The following TSPAN5 variants were observed in gnomAD, a reference collection of about 807,000 sequenced individuals.
TSPAN5 encodes tetraspanin 5, also known as tetraspanin-5.
In TSPAN5, 10 loss-of-function variants were observed where a neutral mutation model predicts 37.1. That is an observed-to-expected ratio of 0.27 (90% CI 0.17 to 0.46). The LOEUF (loss-of-function observed/expected upper bound fraction) is 0.46. Among genes scored for constraint, TSPAN5 ranks in the 20% least tolerant of loss-of-function variants. The pLI is 1.00. For missense variants in TSPAN5, 195 were observed against 326.6 expected (o/e 0.60, Z 3.11); for synonymous variants, 110 against 118.9 (o/e 0.93, Z 0.48).
In TSPAN5 at chr4:98,531,122, C is replaced by A. The variant is rs191461018; in HGVS notation, c.82-23394G>T. 2.6e-5 allele frequency among the ~76,000 whole-genome samples: 4 copies of A among 152,176 alleles called. No individual in the cohort carries two copies. In the East Asian group the frequency reaches 7.7e-4, roughly 29 times the overall value. ...TTCCGGAGTACATGTGCAGAACTTG[C>A]AGTTTCATTACATAGGTATACACAT... On this transcript the variant is annotated intron_variant, in intron 1 of 7. Coordinates refer to ENST00000305798, the MANE Select transcript of TSPAN5 (RefSeq NM_005723.4).
At chr4:98,654,386 C>A (rs1180495682) in intron 1 of TSPAN5, among the ~76,000 whole-genome samples, 1 of 152,118 alleles carries the variant, frequency 6.6e-6, no homozygotes, top group Non-Finnish European at 1.5e-5. Context: ...TCCAAAAGGG[C>A]AAAACATCTA....
chr4:98,549,174 A>C (rs1487783066), intron 1 of TSPAN5, among the ~76,000 whole-genome samples: 1 of 152,180 alleles, frequency 6.6e-6, no homozygotes, highest in African/African-American at 2.4e-5. Flanking sequence ...ACAGTGTATA[A>C]GCGTTCCCTT....
intron 1 of TSPAN5, among the ~76,000 whole-genome samples, chr4:98,592,593 G>A (rs865838737): frequency 4.5e-5 from 3 of 66,790 alleles, no homozygotes; most frequent in African/African-American, 6.9e-5. Context: ...CCCCTCCCCC[G>A]ACCCCACCAC....
At chr4:98,578,779 G>A (rs1469258600) in intron 1 of TSPAN5, among the ~76,000 whole-genome samples, 1 of 151,958 alleles carries the variant, frequency 6.6e-6, no homozygotes, top group Non-Finnish European at 1.5e-5. Context: ...TATTCTCTTA[G>A]GTAGACAGTG....
chr4:98,576,180 A>T (rs976615795), intron 1 of TSPAN5, among the ~76,000 whole-genome samples: 6 of 152,166 alleles, frequency 3.9e-5, no homozygotes. Flanking sequence ...AAATTAAAAA[A>T]AAAATCAAAC....
At chr4:98,551,795 T>C (rs907397544) in intron 1 of TSPAN5, among the ~76,000 whole-genome samples, 1 of 151,988 alleles carries the variant, frequency 6.6e-6, no homozygotes. Context: ...CCACTGCACC[T>C]GGCCTCCTTT....
At chr4:98,544,039 G>T (rs1240983462) in intron 1 of TSPAN5, among the ~76,000 whole-genome samples, 1 of 152,016 alleles carries the variant, frequency 6.6e-6, no homozygotes, top group African/African-American at 2.4e-5. Context: ...AATTAGCCAA[G>T]TGTGGTAGTG....
chr4:98,632,876 T>C (rs979640516), intron 1 of TSPAN5, among the ~76,000 whole-genome samples: 1 of 152,024 alleles, frequency 6.6e-6, no homozygotes, highest in African/African-American at 2.4e-5. Flanking sequence ...CCGGGAGGAT[T>C]TGATGCTGCA....
At chr4:98,507,761 G>T in intron 1 of TSPAN5, 33 bp from the exon 2 acceptor site, 1 of 1,493,192 alleles carries the variant, frequency 6.7e-7, no homozygotes. Flanking sequence ...TAAATATAAG[G>T]GAAAATGCCG....
At position 98,594,245 on chromosome 4, in the gene TSPAN5, G is replaced by C. The variant is rs1235536054; in HGVS notation, c.81+63901C>G. ...CTATGATTTGGCTCTCTGTTTGTCT[G>C]TTGTTGGTGTATAAGAATGCTTGTG... On this transcript the variant is annotated intron_variant, in intron 1 of 7. Transcript: ENST00000305798. Among the ~76,000 whole-genome samples, 5 of 131,354 alleles carry C rather than the reference G, an allele frequency of 3.8e-5. 1 individual carries two copies. The highest frequency in any genetic ancestry group is 1.7e-4 in the African/African-American group (5 of 28,888). 86.2% of individuals were successfully genotyped at this position (131,354 alleles called of 152,430 possible). A position where few individuals can be genotyped will look rare whatever the true frequency, so the allele number is the denominator to read the frequency against.
chr4:98,653,144 C>A (rs1163561473), intron 1 of TSPAN5, among the ~76,000 whole-genome samples: 1 of 152,198 alleles, frequency 6.6e-6, no homozygotes, highest in Non-Finnish European at 1.5e-5. Flanking sequence ...TAACAGATGT[C>A]TAGCAAATTA....
chr4:98,478,079 T>C (rs987210509), intron 5 of TSPAN5, among the ~76,000 whole-genome samples: 1 of 152,232 alleles, frequency 6.6e-6, no homozygotes, highest in African/African-American at 2.4e-5. Flanking sequence ...TTTTTTATAA[T>C]AAAATGCAAA....
chr4:98,624,485 G>A (rs976197361), intron 1 of TSPAN5, among the ~76,000 whole-genome samples: 1 of 152,160 alleles, frequency 6.6e-6, no homozygotes. Context: ...TCCATAAGAA[G>A]TTACTTGATT....
intron 2 of TSPAN5, among the ~76,000 whole-genome samples, chr4:98,490,302 C>T (rs1021405793): frequency 2.6e-5 from 4 of 152,144 alleles, no homozygotes; most frequent in South Asian, 2.1e-4. Flanking sequence ...TAATCCCTCC[C>T]CCAAAGACAA....
Position 98,507,773 on chromosome 4 carries a change from T to C in TSPAN5, c.82-45A>G, listed in dbSNP as rs766585394. 45 of 1,408,970 alleles carry C rather than the reference T, an allele frequency of 3.2e-5. No individual in the cohort carries two copies. The South Asian group carries it at 5.1e-4, about 16-fold the overall frequency. 87.3% of individuals were successfully genotyped at this position (1,408,970 alleles called of 1,614,324 possible). ...GTGTAAATATAAGGGAAAATGCCGCTAATATAAAGAAGAAACTTTTCAATC... is the reference window on the plus strand; with the variant it reads ...GTGTAAATATAAGGGAAAATGCCGCCAATATAAAGAAGAAACTTTTCAATC... On this transcript the variant is annotated intron_variant, in intron 1 of 7. Coordinates refer to ENST00000305798, the MANE Select transcript of TSPAN5 (RefSeq NM_005723.4).
chr4:98,483,031 A>G (rs928450350), intron 3 of TSPAN5: 1 of 152,234 alleles, frequency 6.6e-6, no homozygotes, highest in Non-Finnish European at 1.5e-5. Flanking sequence ...CAGCTTAGTC[A>G]TATCGACTTA....
chr4:98,511,113 A>G (rs1395074579), intron 1 of TSPAN5, among the ~76,000 whole-genome samples: 3 of 152,188 alleles, frequency 2.0e-5, no homozygotes, highest in African/African-American at 7.2e-5. Context: ...TTTGAAATGG[A>G]AAAAAATATA....
At chr4:98,635,608 G>A (rs1217186280) in intron 1 of TSPAN5, among the ~76,000 whole-genome samples, 1 of 152,084 alleles carries the variant, frequency 6.6e-6, no homozygotes, top group Non-Finnish European at 1.5e-5. Context: ...AATTTGCTGT[G>A]AATCAAAGAC....
chr4:98,624,588 G>A (rs1042454189), intron 1 of TSPAN5, among the ~76,000 whole-genome samples: 10 of 152,088 alleles, frequency 6.6e-5, no homozygotes, highest in Admixed American at 1.3e-4. Context: ...TGTTGTAAAA[G>A]CAAGAGCAAA....
Sources: gnomAD v4.1 joint callset for allele counts (sites outside exome capture counted in the v4.1 genomes callset) on GRCh38, gnomAD v4.1.1 for gene constraint, MANE v1.5 for transcripts, NCBI Gene and HGNC (gene_info 2026-07-23, HGNC 2026-07-21) for gene names.